MTUS2: variants seen among roughly 807,000 people sequenced by gnomAD.
MTUS2 encodes microtubule associated scaffold protein 2.
A neutral mutation model predicts 114.1 loss-of-function variants in MTUS2; 40 were observed. The ratio of observed to expected loss-of-function variants is 0.35; its 90% CI spans 0.27 to 0.46. The LOEUF (loss-of-function observed/expected upper bound fraction) is 0.46, where lower values mean the gene tolerates loss of function less well. Among genes scored for constraint, MTUS2 ranks in the 20% least tolerant of loss-of-function variants. MTUS2 has a pLI of 1.00. For synonymous variants in MTUS2, 688 were observed against 672.0 expected (o/e 1.02, Z -0.37); for missense variants, 1,679 against 1,705.4 (o/e 0.98, Z 0.27).
intron 11 of MTUS2, chr13:29,490,188 A>G (rs1245731900): frequency 6.6e-6 from 1 of 152,222 alleles, no homozygotes; most frequent in African/African-American, 2.4e-5. Flanking sequence ...GTTCTCTATC[A>G]ATGAAATCAA....
chr13:29,254,292 TTGAG>T (rs1253626228), intron 5 of MTUS2, among the ~76,000 whole-genome samples: 4 of 152,138 alleles, frequency 2.6e-5, no homozygotes, highest in Non-Finnish European at 5.9e-5. Flanking sequence ...AGATGTATGA[TTGAG>T]TGAGTAAAGG....
At chr13:29,300,474 G>T (rs190812742) in intron 6 of MTUS2, among the ~76,000 whole-genome samples, 1,679 of 152,258 alleles carry the variant, frequency 0.011, 16 homozygotes, top group Non-Finnish European at 0.015. Flanking sequence ...TTCAACATTT[G>T]TATGTTTCAG....
intron 7 of MTUS2, among the ~76,000 whole-genome samples, chr13:29,353,929 G>T (rs1024934774): frequency 8.5e-5 from 13 of 152,066 alleles, no homozygotes; most frequent in African/African-American, 2.7e-4. Flanking sequence ...TCAGAATCTG[G>T]CTGAAAATTT....
chr13:28,884,664 G>A (rs1245051550), intron 2 of MTUS2, among the ~76,000 whole-genome samples: 1 of 152,178 alleles, frequency 6.6e-6, no homozygotes, highest in Non-Finnish European at 1.5e-5. Flanking sequence ...AAATCTGAAT[G>A]AAGTTTGTAG....
At chr13:28,835,844 T>A (rs766755063) in intron 1 of MTUS2, among the ~76,000 whole-genome samples, 1 of 152,176 alleles carries the variant, frequency 6.6e-6, no homozygotes, top group Non-Finnish European at 1.5e-5. Flanking sequence ...GAGTAGAAAC[T>A]TAGTGGCTCA....
At chr13:29,061,829 A>G (rs147497863) in intron 4 of MTUS2, among the ~76,000 whole-genome samples, 17 of 152,340 alleles carry the variant, frequency 1.1e-4, no homozygotes, top group Non-Finnish European at 2.2e-4. Flanking sequence ...CTATTTCCAT[A>G]TAAGTTAATT....
chr13:28,874,799 A>G (rs1877834166), intron 2 of MTUS2, among the ~76,000 whole-genome samples: 1 of 152,324 alleles, frequency 6.6e-6, no homozygotes, highest in South Asian at 2.1e-4. Context: ...ATCATTGTGA[A>G]TAATCTTGAG....
chr13:28,949,393 A>G (rs548871472), intron 2 of MTUS2, among the ~76,000 whole-genome samples: 7 of 152,286 alleles, frequency 4.6e-5, no homozygotes, highest in African/African-American at 1.2e-4. Flanking sequence ...GTTTCTTACC[A>G]TTACTTCGCC....
chr13:28,877,909 CAG>C (rs1482033352), intron 2 of MTUS2, among the ~76,000 whole-genome samples: 1 of 152,106 alleles, frequency 6.6e-6, no homozygotes, highest in African/African-American at 2.4e-5. Flanking sequence ...GTTCAGAACT[CAG>C]AGGTGCTGGC....
At chr13:29,407,447 C>T (rs138700990) in intron 8 of MTUS2, among the ~76,000 whole-genome samples, 1,521 of 139,408 alleles carry the variant, frequency 0.011, 41 homozygotes, top group African/African-American at 0.037. Context: ...AGTGATTGTA[C>T]TTATTTATTT....
In MTUS2 at chr13:29,317,886, A is replaced by T. The variant is rs185902670; in HGVS notation, c.2807-6727A>T. Among the ~76,000 whole-genome samples, 151 of 152,304 alleles carry T rather than the reference A, an allele frequency of 9.9e-4. 3 individuals are homozygous for T. The highest frequency in any genetic ancestry group is 1.5e-3 in the East Asian group (8 of 5,172). On this transcript the variant is annotated intron_variant, in intron 6 of 15. Coordinates refer to ENST00000612955, the MANE Select transcript of MTUS2 (RefSeq NM_001033602.4). ...AATTCATCTTACAAATGGCATCAGA[A>T]TCTGTCTTTTCTGATTACATCATTC...
At chr13:28,931,112 G>GC (rs1234480065) in intron 2 of MTUS2, among the ~76,000 whole-genome samples, 1 of 152,172 alleles carries the variant, frequency 6.6e-6, no homozygotes, top group Non-Finnish European at 1.5e-5. Context: ...CCTGGCCCTG[G>GC]CCTCACGCTC....
At chr13:28,847,754 C>G (rs900250074) in intron 2 of MTUS2, among the ~76,000 whole-genome samples, 4 of 152,322 alleles carry the variant, frequency 2.6e-5, no homozygotes, top group African/African-American at 9.6e-5. Flanking sequence ...TGCTAGGGCA[C>G]TGTCCAAGGA....
intron 1 of MTUS2, among the ~76,000 whole-genome samples, chr13:28,826,685 G>A (rs1314528592): frequency 6.6e-6 from 1 of 152,210 alleles, no homozygotes; most frequent in African/African-American, 2.4e-5. Flanking sequence ...CGTCTATGAA[G>A]ACTGTAATAA....
intron 8 of MTUS2, among the ~76,000 whole-genome samples, chr13:29,399,505 T>C (rs909634135): frequency 6.6e-6 from 1 of 152,098 alleles, no homozygotes; most frequent in African/African-American, 2.4e-5. Context: ...TCAAAAATTA[T>C]CAAAGAATCA....
intron 2 of MTUS2, among the ~76,000 whole-genome samples, chr13:28,954,273 G>A (rs905190428): frequency 2.6e-5 from 4 of 152,062 alleles, no homozygotes; most frequent in Non-Finnish European, 5.9e-5. Context: ...GTATTTCAGT[G>A]ACTGTGACAA....
chr13:28,966,461 C>T (rs1883587158), intron 2 of MTUS2, among the ~76,000 whole-genome samples: 1 of 152,164 alleles, frequency 6.6e-6, no homozygotes, highest in South Asian at 2.1e-4. Context: ...ATGGGTCACA[C>T]CTCTAATCCA....
chr13:28,851,883 T>A (rs1000661394), intron 2 of MTUS2, among the ~76,000 whole-genome samples: 2 of 152,158 alleles, frequency 1.3e-5, no homozygotes, highest in African/African-American at 4.8e-5. Flanking sequence ...GTGTGCTGTT[T>A]CCACTCTTCC....
At chr13:29,383,025 T>A (rs1011050527) in intron 8 of MTUS2, among the ~76,000 whole-genome samples, 7 of 152,184 alleles carry the variant, frequency 4.6e-5, no homozygotes, top group South Asian at 4.2e-4. Context: ...GGTTGTAGAT[T>A]GAGTGTAGAT....
Sources: gnomAD v4.1 joint callset for allele counts (sites outside exome capture counted in the v4.1 genomes callset) on GRCh38, gnomAD v4.1.1 for gene constraint, MANE v1.5 for transcripts, NCBI Gene and HGNC (gene_info 2026-07-23, HGNC 2026-07-21) for gene names.